The following ZNF385D variants were observed in gnomAD, a reference collection of about 807,000 sequenced individuals.
ZNF385D encodes the protein zinc finger protein 385D.
A neutral mutation model predicts 35.8 loss-of-function variants in ZNF385D; 15 were observed. The ratio of observed to expected loss-of-function variants is 0.42; its 90% CI spans 0.28 to 0.64. ZNF385D has a LOEUF of 0.64. Among genes scored for constraint, ZNF385D ranks in the 30% least tolerant of loss-of-function variants. The pLI, the probability that ZNF385D is intolerant of heterozygous loss-of-function variation, is 0.23. For synonymous variants in ZNF385D, 212 were observed against 186.8 expected, an observed-to-expected ratio of 1.13 and a Z score of -1.10; for missense variants, 474 against 494.6, an observed-to-expected ratio of 0.96 and a Z score of 0.39.
At chr3:22,296,875 C>G (rs1702613018) in intron 2 of ZNF385D, among the ~76,000 whole-genome samples, 3 of 152,056 alleles carry the variant, frequency 2.0e-5, no homozygotes, top group Non-Finnish European at 4.4e-5. Context: ...GGCATGGTGC[C>G]ATGGCTAATG....
intron 3 of ZNF385D, among the ~76,000 whole-genome samples, chr3:21,946,065 C>T (rs1467326018): frequency 1.3e-5 from 2 of 152,152 alleles, no homozygotes; most frequent in Admixed American, 6.6e-5. Flanking sequence ...GACCGCTGCT[C>T]AGGTCATGGA....
intron 3 of ZNF385D, among the ~76,000 whole-genome samples, chr3:21,937,127 G>C (rs1284973805): frequency 1.3e-5 from 2 of 152,010 alleles, no homozygotes; most frequent in Non-Finnish European, 2.9e-5. Context: ...TATTTTTTGA[G>C]ATGGAAAAAA....
chr3:22,097,051 A>G (rs566172531), intron 3 of ZNF385D, among the ~76,000 whole-genome samples: 1 of 152,218 alleles, frequency 6.6e-6, no homozygotes, highest in South Asian at 2.1e-4. Flanking sequence ...CTCTAGGAGA[A>G]AGTGACTGCA....
chr3:21,615,031 T>C (rs984971028), intron 2 of ZNF385D, among the ~76,000 whole-genome samples: 6 of 152,162 alleles, frequency 3.9e-5, no homozygotes, highest in African/African-American at 1.4e-4. Context: ...GTAGAAAACA[T>C]TTTTGGTGAA....
intron 2 of ZNF385D, among the ~76,000 whole-genome samples, chr3:22,181,400 G>A (rs1448742154): frequency 6.6e-6 from 1 of 151,996 alleles, no homozygotes; most frequent in African/African-American, 2.4e-5. Context: ...TCTACCAATA[G>A]AATATGGTAA....
chr3:21,986,119 C>T (rs1446550333), intron 3 of ZNF385D, among the ~76,000 whole-genome samples: 2 of 89,880 alleles, frequency 2.2e-5, no homozygotes, highest in African/African-American at 1.5e-4. Context: ...AAAAAACCAG[C>T]TCCTGGATTC....
intron 3 of ZNF385D, among the ~76,000 whole-genome samples, chr3:21,904,420 T>G (rs1699571373): frequency 6.6e-6 from 1 of 152,128 alleles, no homozygotes; most frequent in Admixed American, 6.6e-5. Flanking sequence ...ATAGTTCTTT[T>G]GGGATTACTG....
chr3:21,574,302 G>C (rs1001898119), intron 2 of ZNF385D, among the ~76,000 whole-genome samples: 1 of 151,980 alleles, frequency 6.6e-6, no homozygotes, highest in African/African-American at 2.4e-5. Flanking sequence ...AAGTCTCTAC[G>C]TGAATAAAGT....
rs67145956 is a variant in ZNF385D, at chr3:22,008,360, C to CTTTTTTTTTT, written c.325+160447_325+160456dup. Among the ~76,000 whole-genome samples, 7 of 131,950 alleles carry CTTTTTTTTTT rather than the reference C, an allele frequency of 5.3e-5. 1 individual carries two copies. The East Asian group carries it at 1.0e-3, about 20-fold the overall frequency. The allele number at this position is 131,950 out of a possible 152,430, so 86.6% of individuals were successfully genotyped here. A position where few individuals can be genotyped will look rare whatever the true frequency, so the allele number is the denominator to read the frequency against. On this transcript the variant is annotated intron_variant, in intron 3 of 5. Coordinates refer to the ZNF385D transcript ENST00000494108. ...TCACTTTCATACAGGCCATGATTTT[C>CTTTTTTTTTT]TTTTTTTTTTTTGAGGCGGAGTCTC...
intron 3 of ZNF385D, among the ~76,000 whole-genome samples, chr3:21,822,693 C>G (rs1448826943): frequency 1.3e-5 from 2 of 152,052 alleles, no homozygotes; most frequent in South Asian, 2.1e-4. Context: ...TGCATAGTTA[C>G]AGTATACCAG....
chr3:22,249,269 A>C (rs1360765380), intron 2 of ZNF385D, among the ~76,000 whole-genome samples: 1 of 152,130 alleles, frequency 6.6e-6, no homozygotes, highest in Admixed American at 6.6e-5. Context: ...ACACAACCAG[A>C]ATCCCCCCAC....
chr3:22,220,843 A>G (rs368625500), intron 2 of ZNF385D, among the ~76,000 whole-genome samples: 1 of 152,142 alleles, frequency 6.6e-6, no homozygotes, highest in African/African-American at 2.4e-5. Flanking sequence ...TATTTTACAG[A>G]TATTATCTTT....
intron 1 of ZNF385D, among the ~76,000 whole-genome samples, chr3:21,678,414 T>C (rs1001017646): frequency 4.6e-5 from 7 of 152,086 alleles, no homozygotes; most frequent in Non-Finnish European, 7.4e-5. Context: ...CTTGAGAATA[T>C]ACAACTCCCT....
chr3:21,855,267 T>TA (rs1207914190), intron 3 of ZNF385D, among the ~76,000 whole-genome samples: 2 of 151,970 alleles, frequency 1.3e-5, no homozygotes, highest in African/African-American at 2.4e-5. Flanking sequence ...TTTTAGCTGA[T>TA]AAAAAAAATT....
chr3:22,001,017 A>G (rs1405675058), intron 3 of ZNF385D, among the ~76,000 whole-genome samples: 1 of 152,122 alleles, frequency 6.6e-6, no homozygotes, highest in Non-Finnish European at 1.5e-5. Context: ...AAGGAATCAA[A>G]GGTTACTGAA....
Position 21,899,206 on chromosome 3 carries a change from G to T in ZNF385D, c.326-234178C>A, listed in dbSNP as rs181708621. ...TGTACGTGCTACAATGCCCAGGACA[G>T]TGCCCTATGACAAAAAATTATCTGG... On this transcript the variant is annotated intron_variant, in intron 3 of 5. Transcript: ENST00000494108. 2.0e-5 allele frequency among the ~76,000 whole-genome samples: 3 copies of T among 152,002 alleles called. No homozygotes were observed. The East Asian group carries it at 5.8e-4, about 29-fold the overall frequency.
chr3:21,765,218 G>T (rs1161897532), intron 3 of ZNF385D, among the ~76,000 whole-genome samples: 1 of 124,064 alleles, frequency 8.1e-6, no homozygotes, highest in African/African-American at 2.7e-5. Flanking sequence ...GTGTGTGTGT[G>T]AGAGAGAGAG....
chr3:22,198,795 C>A (rs1486584913), intron 2 of ZNF385D, among the ~76,000 whole-genome samples: 1 of 152,062 alleles, frequency 6.6e-6, no homozygotes, highest in Non-Finnish European at 1.5e-5. Context: ...TATATGAGAT[C>A]TTGTCCCATC....
Position 21,871,371 on chromosome 3 carries a change from G to A in ZNF385D, c.326-206343C>T, listed in dbSNP as rs149195547. Among the ~76,000 whole-genome samples the A allele has an allele frequency of 1.7e-3, 254 of 152,154 alleles. 5 individuals are homozygous for A. Among genetic ancestry groups the A allele is most frequent in the African/African-American group, 5.9e-3 (246 of 41,530 alleles). On this transcript the variant is annotated intron_variant, in intron 3 of 5. Transcript: ENST00000494108. ...AGACCTTGCTTAATTCTTTACTATA[G>A]CACTTGCAACTACCCGAAATATTAA...
Sources: gnomAD v4.1 joint callset for allele counts (sites outside exome capture counted in the v4.1 genomes callset) on GRCh38, gnomAD v4.1.1 for gene constraint, MANE v1.5 for transcripts, NCBI Gene and HGNC (gene_info 2026-07-23, HGNC 2026-07-21) for gene names.